The following SKAP1 variants were observed in gnomAD, a reference collection of about 807,000 sequenced individuals.
The protein encoded by SKAP1 is src kinase associated phosphoprotein 1.
SKAP1 carries 44 observed loss-of-function variants against 58.5 expected under a neutral mutation model. That is an observed-to-expected ratio of 0.75 (90% CI 0.59 to 0.97). The LOEUF (loss-of-function observed/expected upper bound fraction) is 0.97, where lower values mean the gene tolerates loss of function less well. Among genes scored for constraint, SKAP1 ranks in the 50% least tolerant of loss-of-function variants. The pLI, the probability that SKAP1 is intolerant of heterozygous loss-of-function variation, is 0.00. For synonymous variants in SKAP1, 127 were observed against 149.7 expected (o/e 0.85, Z 1.11); for missense variants, 390 against 435.2 (o/e 0.90, Z 0.92).
Position 48,380,017 on chromosome 17 carries a change from TAATTA to T in SKAP1, c.153-16208_153-16204del, listed in dbSNP as rs367869900. Among the ~76,000 whole-genome samples the T allele has an allele frequency of 5.3e-5, 8 of 152,300 alleles. No homozygotes were observed. In the East Asian group the frequency reaches 1.5e-3, roughly 29 times the overall value. ...TTCTTACCCATTTACTACTTTGTCATAATTAAACCCTTACATAAAGTACCCAATTA... is the reference window on the plus strand; with the variant it reads ...TTCTTACCCATTTACTACTTTGTCATAACCCTTACATAAAGTACCCAATTA... On this transcript the variant is annotated intron_variant, in intron 2 of 12. Transcript: ENST00000336915.
chr17:48,436,770 C>A, the SKAP1 span, among the ~76,000 whole-genome samples: 31 of 152,270 alleles, frequency 2.0e-4, no homozygotes, highest in East Asian at 7.7e-4. Context: ...CGTCTCTTAA[C>A]CTTGCCTGCC....
At chr17:48,294,198 T>C (rs2065934306) in intron 4 of SKAP1, 2 of 152,068 alleles carry the variant, frequency 1.3e-5, no homozygotes, top group Non-Finnish European at 2.9e-5. Flanking sequence ...TAGAAAAAAA[T>C]CAAATTCTCG....
At chr17:48,301,343 C>T (rs7219985) in intron 4 of SKAP1, among the ~76,000 whole-genome samples, 50,697 of 152,032 alleles carry the variant, frequency 0.33, 9,259 homozygotes, top group African/African-American at 0.48. Flanking sequence ...CAATATCCAA[C>T]AAATTATAAA....
intron 3 of SKAP1, among the ~76,000 whole-genome samples, chr17:48,347,589 T>C (rs1179319417): frequency 2.6e-5 from 4 of 152,186 alleles, no homozygotes; most frequent in African/African-American, 9.7e-5. Context: ...CTATAAAGTT[T>C]ATTATGAAAA....
chr17:48,413,314 A>C (rs2067688562), intron 1 of SKAP1, among the ~76,000 whole-genome samples: 1 of 151,068 alleles, frequency 6.6e-6, no homozygotes, highest in Admixed American at 6.6e-5. Context: ...CAGGAGTTTG[A>C]GACCAGCCTG....
At chr17:48,225,732 C>G (rs1219297066) in intron 4 of SKAP1, among the ~76,000 whole-genome samples, 1 of 152,108 alleles carries the variant, frequency 6.6e-6, no homozygotes, top group Non-Finnish European at 1.5e-5. Flanking sequence ...ATCTCAATTC[C>G]TTATTATGAA....
chr17:48,432,071 GA>G (rs1183838395), upstream of SKAP1, among the ~76,000 whole-genome samples: 2 of 152,220 alleles, frequency 1.3e-5, no homozygotes, highest in Admixed American at 6.5e-5. Flanking sequence ...TGAGGGGACA[GA>G]GGCTGGCATG....
chr17:48,179,974 A>G (rs2143449431), intron 9 of SKAP1, 80 bp downstream of exon 9: 2 of 1,362,966 alleles, frequency 1.5e-6, no homozygotes, highest in East Asian at 4.7e-5. Flanking sequence ...TTCCTTTGGA[A>G]TTTTCAAAGT....
At chr17:48,248,924 G>T (rs952373051) in intron 4 of SKAP1, 5 of 152,252 alleles carry the variant, frequency 3.3e-5, no homozygotes, top group Non-Finnish European at 7.3e-5. Context: ...AGGCCGGCGC[G>T]GTGGCTCAAG....
chr17:48,322,953 A>T (rs2066388816), intron 4 of SKAP1, among the ~76,000 whole-genome samples: 1 of 151,864 alleles, frequency 6.6e-6, no homozygotes, highest in South Asian at 2.1e-4. Flanking sequence ...AAAATTAGCC[A>T]GGCGTGGTGG....
intron 2 of SKAP1, among the ~76,000 whole-genome samples, chr17:48,364,601 G>C (rs1048241692): frequency 6.6e-6 from 1 of 152,138 alleles, no homozygotes; most frequent in African/African-American, 2.4e-5. Context: ...CTTGAACCCA[G>C]GAGGCGGAGG....
chr17:48,304,747 T>A (rs1271032413), intron 4 of SKAP1, among the ~76,000 whole-genome samples: 3 of 152,202 alleles, frequency 2.0e-5, no homozygotes, highest in Non-Finnish European at 4.4e-5. Context: ...CAAGGCAGGT[T>A]TCAATTCTTT....
At chr17:48,371,008 C>T (rs906658766) in intron 2 of SKAP1, among the ~76,000 whole-genome samples, 1 of 152,156 alleles carries the variant, frequency 6.6e-6, no homozygotes, top group African/African-American at 2.4e-5. Flanking sequence ...GGCCATTATT[C>T]TAAGCAAATT....
the SKAP1 span, among the ~76,000 whole-genome samples, chr17:48,435,277 T>A: frequency 1.3e-5 from 2 of 151,948 alleles, no homozygotes; most frequent in African/African-American, 4.8e-5. Context: ...ACATTAGATA[T>A]CCCCGTTGGG....
chr17:48,223,575 TC>T (rs1404969440), intron 4 of SKAP1, among the ~76,000 whole-genome samples: 1 of 152,228 alleles, frequency 6.6e-6, no homozygotes, highest in Non-Finnish European at 1.5e-5. Context: ...TGGATATGTA[TC>T]TATATAAACC....
chr17:48,276,224 T>C (rs1208379607), intron 4 of SKAP1, among the ~76,000 whole-genome samples: 1 of 152,242 alleles, frequency 6.6e-6, no homozygotes, highest in East Asian at 1.9e-4. Flanking sequence ...TATAATTTGC[T>C]TTTGTTTTCT....
rs1555597075 is a variant in SKAP1 at position 48,171,093 on chromosome 17, G to GTTGT, written c.827-435_827-434insACAA. The stretch of plus-strand genomic sequence containing the variant: ...CTTTAAGGAAAGTTTAATTACTGTT[G>GTTGT]TTTTTTTTTTTTTTTTTTTTTTTTT... On this transcript the variant is annotated intron_variant, in intron 9 of 12. Coordinates refer to ENST00000336915, the MANE Select transcript of SKAP1 (RefSeq NM_003726.4). Among the ~76,000 whole-genome samples, 12 of 70,256 alleles carry GTTGT rather than the reference G, an allele frequency of 1.7e-4. No individual in the cohort carries two copies. The South Asian group carries it at 2.0e-3, about 12-fold the overall frequency. 46.1% of individuals were successfully genotyped at this position (70,256 alleles called of 152,430 possible).
At chr17:48,138,350 G>T (rs2063725907) in intron 11 of SKAP1, among the ~76,000 whole-genome samples, 1 of 150,984 alleles carries the variant, frequency 6.6e-6, no homozygotes, top group Admixed American at 6.6e-5. Flanking sequence ...GATTACAGGT[G>T]CGTGCCATCA....
At chr17:48,360,050 CAT>C (rs2066916905) in intron 3 of SKAP1, among the ~76,000 whole-genome samples, 1 of 152,142 alleles carries the variant, frequency 6.6e-6, no homozygotes, top group South Asian at 2.1e-4. Context: ...TTACACCACT[CAT>C]AGAGATACTC....
Sources: allele counts gnomAD v4.1 joint callset (sites outside exome capture counted in the v4.1 genomes callset), GRCh38; gene constraint gnomAD v4.1.1; transcripts MANE v1.5; gene names NCBI Gene and HGNC (gene_info 2026-07-23, HGNC 2026-07-21).